Variants in BABAM2 observed in about 807,000 individuals in gnomAD.
BABAM2 encodes BRISC and BRCA1-A complex member 2.
A neutral mutation model predicts 54.7 loss-of-function variants in BABAM2; 31 were observed. That is an observed-to-expected ratio of 0.57 (90% CI 0.43 to 0.77). The LOEUF (loss-of-function observed/expected upper bound fraction) is 0.77. Ranked by LOEUF, BABAM2 falls within the 30% of genes least tolerant of loss-of-function variation. BABAM2 has a pLI of 0.00. For synonymous variants in BABAM2, 167 were observed against 162.9 expected, an observed-to-expected ratio of 1.03 and a Z score of -0.19; for missense variants, 364 against 455.8, an observed-to-expected ratio of 0.80 and a Z score of 1.83.
At chr2:28,333,094 G>A (rs567828344) in intron 11 of BABAM2, among the ~76,000 whole-genome samples, 10 of 151,840 alleles carry the variant, frequency 6.6e-5, no homozygotes, top group African/African-American at 1.5e-4. Flanking sequence ...TGGCCCCAGC[G>A]GGTACCCATG....
At chr2:28,037,019 A>G (rs944136249) in intron 5 of BABAM2, among the ~76,000 whole-genome samples, 13 of 152,214 alleles carry the variant, frequency 8.5e-5, no homozygotes, top group Non-Finnish European at 1.8e-4. Context: ...ATGAATGAAT[A>G]ATGCATGAAT....
intron 11 of BABAM2, among the ~76,000 whole-genome samples, chr2:28,333,842 A>T (rs1295569803): frequency 6.6e-6 from 1 of 152,202 alleles, no homozygotes; most frequent in African/African-American, 2.4e-5. Flanking sequence ...AGCTTACTAC[A>T]TACTTTGTCT....
chr2:28,109,055 C>T (rs1667763479), intron 6 of BABAM2, among the ~76,000 whole-genome samples: 1 of 152,038 alleles, frequency 6.6e-6, no homozygotes, highest in Non-Finnish European at 1.5e-5. Context: ...GAATCTTTCT[C>T]CTGCAATGAT....
At chr2:28,034,658 A>T (rs2148588278) in intron 5 of BABAM2, among the ~76,000 whole-genome samples, 1 of 152,296 alleles carries the variant, frequency 6.6e-6, no homozygotes, top group South Asian at 2.1e-4. Context: ...AGCAGTTCTG[A>T]TGGACTTCTG....
chr2:28,076,457 T>C (rs1013414459), intron 6 of BABAM2, among the ~76,000 whole-genome samples: 3 of 138,110 alleles, frequency 2.2e-5, no homozygotes, highest in African/African-American at 8.5e-5. Context: ...ATTTTTATTT[T>C]ATATTTATTT....
chr2:28,048,469 A>G (rs796220526), intron 6 of BABAM2, among the ~76,000 whole-genome samples: 4 of 152,362 alleles, frequency 2.6e-5, no homozygotes, highest in African/African-American at 9.6e-5. Context: ...TCAAAGGGTC[A>G]GATGAATCAC....
intron 10 of BABAM2, among the ~76,000 whole-genome samples, chr2:28,287,023 A>G (rs895331184): frequency 3.9e-5 from 6 of 152,168 alleles, no homozygotes; most frequent in South Asian, 2.1e-4. Flanking sequence ...GGTAGTCACA[A>G]TATTCCCAAA....
chr2:28,088,971 C>T (rs904682602), intron 6 of BABAM2, among the ~76,000 whole-genome samples: 4 of 152,004 alleles, frequency 2.6e-5, no homozygotes, highest in Admixed American at 6.6e-5. Flanking sequence ...CCATTGTATC[C>T]TAAGTCTCTA....
intron 2 of BABAM2, among the ~76,000 whole-genome samples, chr2:27,909,289 C>T (rs1259494088): frequency 6.6e-6 from 1 of 152,158 alleles, no homozygotes; most frequent in Non-Finnish European, 1.5e-5. Flanking sequence ...AAGCAGTCCT[C>T]CCACTTTGGC....
Position 28,298,333 on chromosome 2 carries a change from T to G in BABAM2, c.935-5T>G. 1 of 1,613,318 alleles carries G rather than the reference T, an allele frequency of 6.2e-7. No homozygotes were observed. The highest frequency in any genetic ancestry group is 1.1e-5 in the South Asian group (1 of 90,816). ...ACTTTCTTTTTCTTTCTTCTGTCTT[T>G]GCAGTTGACCTGCCTCTGTTTTTCC... On this transcript the variant is annotated splice_region_variant and splice_polypyrimidine_tract_variant and intron_variant, in intron 10 of 11. Coordinates refer to ENST00000379624, the MANE Select transcript of BABAM2 (RefSeq NM_199191.3).
chr2:28,112,151 C>CTTTCTTTCTTTCTTTTTCTTTCTTTCTT (rs1261759583), intron 6 of BABAM2, among the ~76,000 whole-genome samples: 2 of 19,602 alleles, frequency 1.0e-4, no homozygotes, highest in African/African-American at 4.5e-4. Flanking sequence ...CTTTCTTTAC[C>CTTTCTTTCTTTCTTTTTCTTTCTTTCTT]TCCCTCCCTC....
At chr2:27,938,539 G>A (rs543314991) in intron 3 of BABAM2, among the ~76,000 whole-genome samples, 5 of 150,938 alleles carry the variant, frequency 3.3e-5, no homozygotes, top group Admixed American at 3.3e-4. Context: ...CTACAGGCAC[G>A]TGTCACAACA....
chr2:28,307,741 A>G (rs1030621492), intron 11 of BABAM2: 49 of 152,184 alleles, frequency 3.2e-4, no homozygotes, highest in African/African-American at 9.7e-4. Context: ...AGAATTCAAG[A>G]AAAAAAGAAA....
At chr2:28,215,793 C>G (rs1378633811) in intron 7 of BABAM2, among the ~76,000 whole-genome samples, 1 of 152,102 alleles carries the variant, frequency 6.6e-6, no homozygotes, top group Non-Finnish European at 1.5e-5. Context: ...ATGGGAGTTC[C>G]TCCTTTCCTT....
At chr2:28,227,714 C>T (rs529285541) in intron 7 of BABAM2, among the ~76,000 whole-genome samples, 3 of 152,156 alleles carry the variant, frequency 2.0e-5, no homozygotes, top group Admixed American at 2.0e-4. Context: ...GACCACACCC[C>T]TTCCCATTCC....
At chr2:28,307,564 C>T (rs1219693386) in intron 11 of BABAM2, 2 of 151,948 alleles carry the variant, frequency 1.3e-5, no homozygotes, top group Admixed American at 1.3e-4. Flanking sequence ...TTATCACAGC[C>T]TACCGTGAAT....
At chr2:28,053,038 C>T (rs1459895954) in intron 6 of BABAM2, among the ~76,000 whole-genome samples, 1 of 152,150 alleles carries the variant, frequency 6.6e-6, no homozygotes, top group Non-Finnish European at 1.5e-5. Flanking sequence ...GGTAATTTCC[C>T]CCCAGATATT....
At chr2:28,211,386 CT>C (rs770284745) in intron 7 of BABAM2, among the ~76,000 whole-genome samples, 7 of 96,902 alleles carry the variant, frequency 7.2e-5, no homozygotes, top group Admixed American at 3.0e-4. Context: ...TCCTTATTAT[CT>C]TTTTTTTTTT....
chr2:27,916,493 A>G (rs1236659667), intron 2 of BABAM2, among the ~76,000 whole-genome samples: 2 of 152,182 alleles, frequency 1.3e-5, no homozygotes, highest in Non-Finnish European at 2.9e-5. Flanking sequence ...CATTTCTGTA[A>G]CTTGTTTGAC....
Sources: allele counts gnomAD v4.1 joint callset (sites outside exome capture counted in the v4.1 genomes callset), GRCh38; gene constraint gnomAD v4.1.1; transcripts MANE v1.5; gene names NCBI Gene and HGNC (gene_info 2026-07-23, HGNC 2026-07-21).